LIPG: variants seen among roughly 807,000 people sequenced by gnomAD.
LIPG encodes the protein endothelial lipase.
Under a neutral mutation model 51.8 loss-of-function variants are expected in LIPG, and 34 were observed. The observed-to-expected ratio is 0.66, with a 90% confidence interval of 0.50 to 0.87. LIPG has a LOEUF of 0.87. Ranked by LOEUF, LIPG falls within the 40% of genes least tolerant of loss-of-function variation. The probability of loss-of-function intolerance (pLI) is 0.00; values close to 1 mark genes in which losing one functional copy is unlikely to be tolerated. For missense variants in LIPG, 580 were observed against 652.7 expected, an observed-to-expected ratio of 0.89 and a Z score of 1.21; for synonymous variants, 246 against 246.1, an observed-to-expected ratio of 1.00 and a Z score of 0.00.
intron 5 of LIPG, among the ~76,000 whole-genome samples, chr18:49,580,089 C>G (rs1012187891): frequency 6.6e-6 from 1 of 152,202 alleles, no homozygotes; most frequent in African/African-American, 2.4e-5. Context: ...GCTGGGATTA[C>G]AGGTGTGAGC....
intron 1 of LIPG, 30 bp downstream of exon 1, chr18:49,562,435 G>A: frequency 1.3e-6 from 2 of 1,585,358 alleles, no homozygotes; most frequent in Non-Finnish European, 1.7e-6. Context: ...ATTCCCCCCA[G>A]CCACTTCTCT....
intron 5 of LIPG, among the ~76,000 whole-genome samples, chr18:49,578,999 G>C (rs1211926898): frequency 3.4e-5 from 3 of 88,624 alleles, no homozygotes; most frequent in African/African-American, 1.5e-4. Context: ...GAGGGAGACC[G>C]TGGGGAGAGG....
rs35773018 is a variant in LIPG at position 49,596,635 on chromosome 18, CAAAAAAAAAAAA to C, written c.*6125_*6136del. The C allele has an allele frequency of 3.6e-5, 2 of 55,946 alleles. No individual in the cohort carries two copies. Among genetic ancestry groups the C allele is most frequent in the African/African-American group, 6.7e-5 (1 of 15,012 alleles). 3.5% of individuals were successfully genotyped at this position (55,946 alleles called of 1,614,324 possible). ...GGGCAACAAGAGCAAATCTCTATCT[CAAAAAAAAAAAA>C]AAAAAAAAAAAGGCCACAGAAATGT... On this transcript the variant is annotated 3_prime_UTR_variant, in exon 10 of 10. Coordinates refer to ENST00000261292, the MANE Select transcript of LIPG (RefSeq NM_006033.4).
intron 5 of LIPG, among the ~76,000 whole-genome samples, chr18:49,578,646 C>G (rs1030119436): frequency 6.6e-5 from 10 of 151,354 alleles, no homozygotes; most frequent in African/African-American, 2.4e-4. Context: ...GCTGCAATCT[C>G]GGCACTTTGG....
At chr18:49,583,168 G>A (rs1301364935) in intron 7 of LIPG, among the ~76,000 whole-genome samples, 6 of 152,234 alleles carry the variant, frequency 3.9e-5, no homozygotes, top group African/African-American at 7.2e-5. Flanking sequence ...GATTTTCAGA[G>A]CATCATTAAC....
chr18:49,583,437 G>T (rs2143970282), intron 7 of LIPG, 119 bp from the exon 8 acceptor site: 1 of 805,546 alleles, frequency 1.2e-6, no homozygotes, highest in Non-Finnish European at 2.2e-6. Flanking sequence ...GGTGGGGAAA[G>T]CACTCACACT....
At chr18:49,570,782 T>C (rs991351627) in intron 4 of LIPG, among the ~76,000 whole-genome samples, 5 of 152,150 alleles carry the variant, frequency 3.3e-5, no homozygotes, top group Non-Finnish European at 7.4e-5. Context: ...TGAGCCGAGA[T>C]TGTGCCACTG....
At chr18:49,586,882 G>A (rs1323412075) in intron 9 of LIPG, 32 bp downstream of exon 9, 11 of 1,491,136 alleles carry the variant, frequency 7.4e-6, no homozygotes, top group Non-Finnish European at 1.0e-5. Context: ...GTTCCACCCA[G>A]GACACGTTGA....
Position 49,567,562 on chromosome 18 carries a change from G to A in LIPG, c.400G>A (p.Ala134Thr), listed in dbSNP as rs144530815. 1.9e-6 allele frequency: 3 copies of A among 1,614,156 alleles called. No homozygotes were observed. Among genetic ancestry groups the A allele is most frequent in the Admixed American group, 1.7e-5 (1 of 60,020 alleles). The change falls in exon 3 of 10, where the codon GCG becomes ACG. Residue 134 changes from alanine (A) to threonine (T), a missense_variant. Transcript: ENST00000261292. ...LPLAHQLYTD[A>T]VNNTRVVGHS... is the part of the protein sequence containing the mutation. ...CCTGGCCCACCAGCTTTACACGGATGCGGTCAATAATACCAGGGTGGTGGG... is the reference window on the plus strand; with the variant it reads ...CCTGGCCCACCAGCTTTACACGGATACGGTCAATAATACCAGGGTGGTGGG...
In LIPG at chr18:49,590,481, T is replaced by C. The variant is rs1279860916; in HGVS notation, c.1482-20T>C. On this transcript the variant is annotated intron_variant, in intron 9 of 9. Coordinates refer to ENST00000261292, the MANE Select transcript of LIPG (RefSeq NM_006033.4). ...TGGTGTGTGAGCTAACAAATGCCAC[T>C]CTCACACGGTTTCTTTCAGTCCCAC... The C allele has an allele frequency of 6.3e-7, 1 of 1,598,808 alleles. No individual in the cohort carries two copies. Among genetic ancestry groups the C allele is most frequent in the Non-Finnish European group, 8.5e-7 (1 of 1,171,162 alleles).
At chr18:49,577,085 T>C (rs1212298492) in intron 5 of LIPG, among the ~76,000 whole-genome samples, 1 of 149,030 alleles carries the variant, frequency 6.7e-6, no homozygotes, top group Non-Finnish European at 1.5e-5. Flanking sequence ...GGCAGGGTCA[T>C]GGGACAATAG....
intron 5 of LIPG, among the ~76,000 whole-genome samples, chr18:49,580,257 C>T (rs182305414): frequency 6.6e-6 from 1 of 152,242 alleles, no homozygotes; most frequent in East Asian, 1.9e-4. Flanking sequence ...TCTCTATGAC[C>T]CTGAGCAGAT....
rs182700173 is a variant in LIPG, at chr18:49,582,235, T to G, written c.1037-127T>G. The G allele has an allele frequency of 3.3e-3, 3,803 of 1,139,190 alleles. 14 individuals are homozygous for G. The highest frequency in any genetic ancestry group is 4.5e-3 in the Non-Finnish European group (3,412 of 761,092). The allele number at this position is 1,139,190 out of a possible 1,614,324, so 70.6% of individuals were successfully genotyped here. ...GGACAGAACAAGAGCAGATGGGGGC[T>G]GCAGGCTGGGCTCAACCAAAAGAAC... On this transcript the variant is annotated intron_variant, in intron 6 of 9. Transcript: ENST00000261292.
chr18:49,585,799 C>T (rs920710095), intron 8 of LIPG, among the ~76,000 whole-genome samples: 1 of 152,214 alleles, frequency 6.6e-6, no homozygotes, highest in Non-Finnish European at 1.5e-5. Flanking sequence ...GAAGAGTTCC[C>T]TTTTCCCTCC....
chr18:49,571,313 T>C (rs8094774), intron 4 of LIPG, among the ~76,000 whole-genome samples: 20,442 of 152,274 alleles, frequency 0.13, 1,477 homozygotes, highest in Middle Eastern at 0.19. Context: ...AGAATGTCAG[T>C]AACGATGACA....
intron 5 of LIPG, among the ~76,000 whole-genome samples, chr18:49,579,013 A>C (rs1263822391): frequency 4.3e-3 from 3 of 698 alleles, no homozygotes; most frequent in East Asian, 0.056. Context: ...GGAGAGGGAG[A>C]GGGAGAGGGA....
chr18:49,587,568 CAAAAAA>C (rs34734805), intron 9 of LIPG, among the ~76,000 whole-genome samples: 77 of 42,300 alleles, frequency 1.8e-3, no homozygotes, highest in African/African-American at 5.8e-3. Context: ...GACTCCGTCT[CAAAAAA>C]AAAAAAAAAA....
intron 4 of LIPG, among the ~76,000 whole-genome samples, chr18:49,572,682 G>C (rs1205274721): frequency 6.7e-6 from 1 of 150,012 alleles, no homozygotes; most frequent in East Asian, 2.0e-4. Context: ...AGAGAGCCGA[G>C]ACTGGGCCAC....
chr18:49,598,271 T>G lies in LIPG; in HGVS notation c.*7749T>G, dbSNP rs118119731. Reference sequence around the variant, plus strand: ...GTGTGGTGGCGCCATCACTGCTCACTGCAGCCTCGACCTCCTGGGCTCAAG... The same window carrying G: ...GTGTGGTGGCGCCATCACTGCTCACGGCAGCCTCGACCTCCTGGGCTCAAG... On this transcript the variant is annotated 3_prime_UTR_variant, in exon 10 of 10. Coordinates refer to ENST00000261292, the MANE Select transcript of LIPG (RefSeq NM_006033.4). The G allele has an allele frequency of 0.037, 5,654 of 152,574 alleles. 159 individuals are homozygous for G. Among genetic ancestry groups the G allele is most frequent in the Middle Eastern group, 0.092 (27 of 294 alleles). The allele number at this position is 152,574 out of a possible 1,614,324, so 9.5% of individuals were successfully genotyped here.
Sources: gnomAD v4.1 joint callset for allele counts (sites outside exome capture counted in the v4.1 genomes callset) on GRCh38, gnomAD v4.1.1 for gene constraint, MANE v1.5 for transcripts, NCBI Gene and HGNC (gene_info 2026-07-23, HGNC 2026-07-21) for gene names.